The following CAMSAP2 variants were observed in gnomAD, a reference collection of about 807,000 sequenced individuals.
The protein encoded by CAMSAP2 is calmodulin regulated spectrin associated protein family member 2, also known as calmodulin-regulated spectrin-associated protein 2.
CAMSAP2 carries 26 observed loss-of-function variants against 146.1 expected under a neutral mutation model. The ratio of observed to expected loss-of-function variants is 0.18; its 90% CI spans 0.13 to 0.25. CAMSAP2 has a LOEUF of 0.25. CAMSAP2 is among the 10% of genes least tolerant of loss of function. CAMSAP2 has a pLI of 1.00. For missense variants in CAMSAP2, 1,381 were observed against 1,759.3 expected (o/e 0.78, Z 3.85); for synonymous variants, 499 against 596.6 (o/e 0.84, Z 2.38).
chr1:200,804,076 G>A (rs185063919), intron 2 of CAMSAP2, among the ~76,000 whole-genome samples: 41 of 151,964 alleles, frequency 2.7e-4, no homozygotes, highest in African/African-American at 9.2e-4. Flanking sequence ...ACAGGTGTCC[G>A]CCACCACGCC....
chr1:200,749,255 G>A (rs1664431401), intron 1 of CAMSAP2, among the ~76,000 whole-genome samples: 1 of 152,226 alleles, frequency 6.6e-6, no homozygotes. Flanking sequence ...ACATAGGCCA[G>A]TGCCACACAC....
In CAMSAP2 at chr1:200,760,927, A is replaced by G. The variant is rs781156496; in HGVS notation, c.228A>G (p.Leu76=). The G allele has an allele frequency of 3.4e-5, 55 of 1,614,198 alleles. No individual in the cohort carries two copies. The highest frequency in any genetic ancestry group is 4.5e-5 in the East Asian group (2 of 44,886). The change falls in exon 2 of 17, where the codon CTA becomes CTG. Residue 76 remains leucine, a synonymous_variant. Transcript: ENST00000358823. ...HIKPPVVNLL[L]SAELYCRAGS... is the part of the protein sequence containing the mutation. ...AACCACCTGTTGTTAATTTGCTTCT[A>G]TCGGCTGAACTATACTGTCGTGCTG...
intron 2 of CAMSAP2, among the ~76,000 whole-genome samples, chr1:200,777,813 G>T (rs890218310): frequency 6.6e-6 from 1 of 152,190 alleles, no homozygotes; most frequent in African/African-American, 2.4e-5. Context: ...GGTGGCAAGT[G>T]CCTGTAGTCC....
intron 14 of CAMSAP2, among the ~76,000 whole-genome samples, chr1:200,855,383 T>G (rs943957982): frequency 2.0e-5 from 3 of 152,086 alleles, no homozygotes; most frequent in Admixed American, 6.6e-5. Flanking sequence ...TTTTATTACT[T>G]TATACTATAA....
At chr1:200,793,949 A>G (rs974209556) in intron 2 of CAMSAP2, among the ~76,000 whole-genome samples, 1 of 152,242 alleles carries the variant, frequency 6.6e-6, no homozygotes, top group African/African-American at 2.4e-5. Flanking sequence ...AAAGGTAAGC[A>G]GAAACAACTT....
chr1:200,825,213 GT>G (rs1000249833), intron 4 of CAMSAP2, among the ~76,000 whole-genome samples: 6 of 151,882 alleles, frequency 4.0e-5, no homozygotes, highest in African/African-American at 1.5e-4. Flanking sequence ...GTTAACTTTT[GT>G]TTTTTGAATA....
At chr1:200,855,597 T>C (rs1192061149) in intron 14 of CAMSAP2, among the ~76,000 whole-genome samples, 1 of 146,102 alleles carries the variant, frequency 6.8e-6, no homozygotes, top group Non-Finnish European at 1.5e-5. Flanking sequence ...TATTTTTTAT[T>C]ATTAATTTTT....
In CAMSAP2 at chr1:200,816,802, GCGTGTATATATGTGTGTACACACACA is replaced by G. The variant is rs1666529111; in HGVS notation, c.645+1161_645+1186del. 4.4e-5 allele frequency among the ~76,000 whole-genome samples: 4 copies of G among 89,900 alleles called. 2 individuals carry two copies. Among genetic ancestry groups the G allele is most frequent in the Non-Finnish European group, 8.5e-5 (4 of 46,806 alleles). 59.0% of individuals were successfully genotyped at this position (89,900 alleles called of 152,430 possible). A position where few individuals can be genotyped will look rare whatever the true frequency, so the allele number is the denominator to read the frequency against. ...TGTATATATGTGTGTACACACACAC[GCGTGTATATATGTGTGTACACACACA>G]CGCGTGTGTATGTGTGTACACACAC... On this transcript the variant is annotated intron_variant, in intron 4 of 16. Coordinates refer to ENST00000358823, the MANE Select transcript of CAMSAP2 (RefSeq NM_203459.4).
At chr1:200,764,449 G>C (rs1392290883) in intron 2 of CAMSAP2, among the ~76,000 whole-genome samples, 2 of 152,108 alleles carry the variant, frequency 1.3e-5, no homozygotes, top group Non-Finnish European at 2.9e-5. Flanking sequence ...TGTGAAATGG[G>C]ATTAAATAGG....
intron 6 of CAMSAP2, 35 bp from the exon 7 acceptor site, chr1:200,841,959 C>T: frequency 7.1e-7 from 1 of 1,412,670 alleles, no homozygotes; most frequent in East Asian, 2.3e-5. Context: ...TGAAGTTTTA[C>T]CTAATGTAGG....
At chr1:200,771,622 T>C (rs1469351020) in intron 2 of CAMSAP2, among the ~76,000 whole-genome samples, 6 of 152,208 alleles carry the variant, frequency 3.9e-5, no homozygotes, top group African/African-American at 1.4e-4. Flanking sequence ...AGAGACCATG[T>C]CTATGCCTCT....
At chr1:200,740,417 A>G (rs958243064) in intron 1 of CAMSAP2, among the ~76,000 whole-genome samples, 10 of 152,142 alleles carry the variant, frequency 6.6e-5, no homozygotes, top group African/African-American at 1.7e-4. Flanking sequence ...GATGGCTGCT[A>G]TTCAGGCTCC....
At position 200,848,168 on chromosome 1, in the gene CAMSAP2, C is replaced by A; in HGVS notation, c.1399C>A (p.His467Asn). The A allele has an allele frequency of 6.2e-7, 1 of 1,613,770 alleles. No individual in the cohort carries two copies. Among genetic ancestry groups the A allele is most frequent in the Non-Finnish European group, 8.5e-7 (1 of 1,179,808 alleles). ...TCTGAACAACAGTCATGTATCTAAACACATTAGGAAAAATTTGTCCTTCAA... is the reference window on the plus strand; with the variant it reads ...TCTGAACAACAGTCATGTATCTAAAAACATTAGGAAAAATTTGTCCTTCAA... ...LTLNNSHVSK[H>N]IRKNLSFKPI... The change falls in exon 11 of 17, where the codon CAC becomes AAC. Residue 467 changes from histidine (H) to asparagine (N), a missense_variant. His to Asn is a moderately conservative substitution (Grantham distance 68). Coordinates refer to ENST00000358823, the MANE Select transcript of CAMSAP2 (RefSeq NM_203459.4).
chr1:200,849,381 C>T lies in CAMSAP2; in HGVS notation c.2612C>T (p.Thr871Ile). 1 of 1,614,050 alleles carries T rather than the reference C, an allele frequency of 6.2e-7. No individual in the cohort carries two copies. The highest frequency in any genetic ancestry group is 8.5e-7 in the Non-Finnish European group (1 of 1,179,988). ...QWNLASPSEE[T>I]LNEGEILEYT... ...AACCTGGCAAGCCCCTCAGAAGAAA[C>T]TTTAAATGAAGGAGAGATTTTAGAA... is the stretch of plus-strand genomic sequence containing the variant. The change falls in exon 11 of 17, where the codon ACT (threonine) becomes ATT (isoleucine). Residue 871 changes from threonine (T) to isoleucine (I), a missense_variant. By Grantham distance (89) the Thr-to-Ile change is moderately conservative. Transcript: ENST00000358823. The surrounding 1 kb of genome is among the most constrained non-coding windows in gnomAD (Gnocchi z 6.3).
Position 200,849,219 on chromosome 1 carries a change from G to A in CAMSAP2, c.2450G>A (p.Arg817Gln), listed in dbSNP as rs752703808. The A allele has an allele frequency of 1.8e-5, 29 of 1,613,754 alleles. No individual in the cohort carries two copies. The highest frequency in any genetic ancestry group is 2.4e-5 in the Non-Finnish European group (28 of 1,179,990). ...GAAGATGAGAAAGTATATACTGATC[G>A]AGCAAAAGAAAAGGAATCACAAAAA... ...GAEDEKVYTD[R>Q]AKEKESQKTD... Residue 817 changes from arginine (R) to glutamine (Q), a missense_variant, in exon 11 of 17, where the codon CGA (arginine) becomes CAA (glutamine). Transcript: ENST00000358823. The surrounding 1 kb of genome is among the most constrained non-coding windows in gnomAD (Gnocchi z 6.3).
At chr1:200,840,233 C>T (rs78813787) in intron 6 of CAMSAP2, among the ~76,000 whole-genome samples, 7 of 152,026 alleles carry the variant, frequency 4.6e-5, no homozygotes, top group East Asian at 1.9e-4. Context: ...ATTAGTTGCT[C>T]GAGACAAAAA....
rs879090497 is a variant in CAMSAP2 at position 200,815,733 on chromosome 1, TATTAA to T, written c.645+94_645+98del. The T allele has an allele frequency of 1.1e-5, 7 of 620,336 alleles. No individual in the cohort carries two copies. The South Asian group carries it at 1.4e-4, about 13-fold the overall frequency. The allele number at this position is 620,336 out of a possible 1,614,324, so 38.4% of individuals were successfully genotyped here. A position where few individuals can be genotyped will look rare whatever the true frequency, so the allele number is the denominator to read the frequency against. On this transcript the variant is annotated intron_variant, in intron 4 of 16. Coordinates refer to ENST00000358823, the MANE Select transcript of CAMSAP2 (RefSeq NM_203459.4). The stretch of plus-strand genomic sequence containing the variant: ...TATTTTGGGAAATGTTAATTGTGTT[TATTAA>T]ATTATTTTTTAGTGGTGTTAACTGT...
intron 2 of CAMSAP2, among the ~76,000 whole-genome samples, chr1:200,785,378 CTTTT>C (rs1194410932): frequency 6.9e-6 from 1 of 145,498 alleles, no homozygotes; most frequent in Non-Finnish European, 1.5e-5. Context: ...TTGATGTTTT[CTTTT>C]TTTTTCTTTT....
intron 2 of CAMSAP2, among the ~76,000 whole-genome samples, chr1:200,777,977 C>CT (rs1571743815): frequency 6.6e-6 from 1 of 152,188 alleles, no homozygotes; most frequent in African/African-American, 2.4e-5. Flanking sequence ...GTGGCTCACA[C>CT]TTATAATCCC....
Sources: gnomAD v4.1 joint callset for allele counts (sites outside exome capture counted in the v4.1 genomes callset) on GRCh38, gnomAD v4.1.1 for gene constraint, Gnocchi (gnomAD v3.1) non-coding constraint, MANE v1.5 for transcripts, NCBI Gene and HGNC (gene_info 2026-07-23, HGNC 2026-07-21) for gene names.